FOXN3: variants seen among roughly 807,000 people sequenced by gnomAD.
FOXN3 encodes the protein forkhead box protein N3.
FOXN3 carries 7 observed loss-of-function variants against 38.4 expected under a neutral mutation model. The observed-to-expected ratio is 0.18, with a 90% confidence interval of 0.10 to 0.34. The LOEUF is 0.34. Among genes scored for constraint, FOXN3 ranks in the 10% least tolerant of loss-of-function variants. The pLI, the probability that FOXN3 is intolerant of heterozygous loss-of-function variation, is 1.00. For missense variants in FOXN3, 456 were observed against 613.4 expected (o/e 0.74, Z 2.71); for synonymous variants, 230 against 242.2 (o/e 0.95, Z 0.47).
At chr14:89,411,556 T>C (rs1017142) in intron 2 of FOXN3, among the ~76,000 whole-genome samples, 57,296 of 152,102 alleles carry the variant, frequency 0.38, 13,471 homozygotes, top group Admixed American at 0.53. Context: ...ATGGTGGCAG[T>C]GTATATACAC....
At chr14:89,551,829 G>A (rs1411858208) in intron 1 of FOXN3, among the ~76,000 whole-genome samples, 1 of 152,050 alleles carries the variant, frequency 6.6e-6, no homozygotes, top group African/African-American at 2.4e-5. Flanking sequence ...TCTATTTTTA[G>A]GGCCTCACCC....
rs1381086215 is a variant in FOXN3 at position 89,310,945 on chromosome 14, A to G, written c.681-29931T>C. Among the ~76,000 whole-genome samples, 3 of 151,812 alleles carry G rather than the reference A, an allele frequency of 2.0e-5. 1 individual carries two copies. In the East Asian group the frequency reaches 5.9e-4, roughly 30 times the overall value. On this transcript the variant is annotated intron_variant, in intron 3 of 5. Transcript: ENST00000557258. Reference sequence around the variant, plus strand: ...AATATGGAGAAACCCCATCTCTACTAAAAATACAAAATTAGCCGGGCGTGG... The same window carrying G: ...AATATGGAGAAACCCCATCTCTACTGAAAATACAAAATTAGCCGGGCGTGG...
rs559069055 is a variant in FOXN3, at chr14:89,156,793, C to G, written c.*5621G>C. On this transcript the variant is annotated 3_prime_UTR_variant, in exon 6 of 6. Transcript: ENST00000557258. ...TATTAAGTAGTGAGTGTGAATGACA[C>G]AGCATGAAACTGGTTACTGAATCAG... 125 of 152,264 alleles carry G rather than the reference C, an allele frequency of 8.2e-4. No homozygotes were observed. The highest frequency in any genetic ancestry group is 2.9e-3 in the African/African-American group (120 of 41,532). The allele number at this position is 152,264 out of a possible 1,614,324, so 9.4% of individuals were successfully genotyped here.
intron 1 of FOXN3, among the ~76,000 whole-genome samples, chr14:89,510,802 C>T (rs755995225): frequency 1.3e-5 from 2 of 152,050 alleles, no homozygotes; most frequent in Admixed American, 6.6e-5. Flanking sequence ...ATTAGCCAAG[C>T]GTGGTGGTGT....
At chr14:89,167,496 A>G (rs1208871640) in intron 5 of FOXN3, among the ~76,000 whole-genome samples, 1 of 152,238 alleles carries the variant, frequency 6.6e-6, no homozygotes, top group Non-Finnish European at 1.5e-5. Flanking sequence ...TGTGAAAAGT[A>G]GATGGGATTA....
chr14:89,597,830 T>C (rs918782372), intron 1 of FOXN3, among the ~76,000 whole-genome samples: 5 of 152,172 alleles, frequency 3.3e-5, no homozygotes, highest in Admixed American at 3.3e-4. Flanking sequence ...GAAAGGTATG[T>C]CTCTTTAAAG....
At chr14:89,583,845 A>G (rs1329940174) in intron 1 of FOXN3, among the ~76,000 whole-genome samples, 1 of 148,304 alleles carries the variant, frequency 6.7e-6, no homozygotes, top group Non-Finnish European at 1.5e-5. Flanking sequence ...TAGGTGTCAG[A>G]TACCGCACCC....
intron 4 of FOXN3, among the ~76,000 whole-genome samples, chr14:89,204,478 A>G (rs2094667264): frequency 6.6e-6 from 1 of 152,204 alleles, no homozygotes; most frequent in African/African-American, 2.4e-5. Flanking sequence ...ATAGACTAGG[A>G]AAAAAATAGA....
At chr14:89,470,446 T>C (rs923723648) in intron 1 of FOXN3, among the ~76,000 whole-genome samples, 7 of 152,190 alleles carry the variant, frequency 4.6e-5, no homozygotes, top group African/African-American at 1.7e-4. Flanking sequence ...TTTAACCTCT[T>C]TGTGCCTCAG....
At chr14:89,603,167 C>A (rs1377282072) in intron 1 of FOXN3, among the ~76,000 whole-genome samples, 9 of 152,150 alleles carry the variant, frequency 5.9e-5, no homozygotes, top group African/African-American at 2.2e-4. Flanking sequence ...CAATAAAAAC[C>A]AGCCACTCAT....
chr14:89,162,682 T>A lies in FOXN3; in HGVS notation c.1139A>T (p.Gln380Leu). 1 of 1,614,152 alleles carries A rather than the reference T, an allele frequency of 6.2e-7. No homozygotes were observed. Among genetic ancestry groups the A allele is most frequent in the Non-Finnish European group, 8.5e-7 (1 of 1,180,012 alleles). ...DTEEDDRKHSQKEPKDSLGDS... is the reference protein window; with the variant it reads ...DTEEDDRKHSLKEPKDSLGDS... ...CCCCAGAGAATCCTTGGGCTCCTTC[T>A]GGCTGTGCTTCCTGTCGTCCTCTTC... Residue 380 changes from glutamine (Q) to leucine (L), a missense_variant, in exon 6 of 6, where the codon CAG (glutamine) becomes CTG (leucine). Physicochemically the swap from Gln to Leu is moderately radical, Grantham distance 113. Transcript: ENST00000557258. This position sits in a 1 kb window ranked among gnomAD's most constrained non-coding sequence, Gnocchi z 7.2.
At chr14:89,600,743 C>T (rs1363559980) in intron 1 of FOXN3, among the ~76,000 whole-genome samples, 1 of 152,032 alleles carries the variant, frequency 6.6e-6, no homozygotes, top group African/African-American at 2.4e-5. Context: ...TTCCTGGACC[C>T]TATATACTAT....
chr14:89,433,351 G>A (rs190798005), intron 1 of FOXN3, among the ~76,000 whole-genome samples: 39 of 152,260 alleles, frequency 2.6e-4, no homozygotes, highest in Non-Finnish European at 2.9e-5. Context: ...GCGTGGTGGT[G>A]CGGGCTTGTA....
intron 4 of FOXN3, among the ~76,000 whole-genome samples, chr14:89,224,899 GGC>G (rs1301980176): frequency 6.6e-6 from 1 of 152,100 alleles, no homozygotes; most frequent in Non-Finnish European, 1.5e-5. Flanking sequence ...GGGAGGCCGA[GGC>G]GGGCGGATCA....
chr14:89,579,898 A>G (rs1040975524), intron 1 of FOXN3, among the ~76,000 whole-genome samples: 5 of 152,222 alleles, frequency 3.3e-5, no homozygotes, highest in South Asian at 4.1e-4. Context: ...TCACTGCTAC[A>G]GAGTACATAC....
chr14:89,412,016 G>A lies in FOXN3; in HGVS notation c.461C>T (p.Ala154Val). The stretch of plus-strand genomic sequence containing the variant: ...CACTGAGTTTTTCCACCCAGTAGGT[G>A]CATTTGCAAAATACGGAAAATGTTC... ...ILEHFPYFAN[A>V]PTGWKNSVRH... Residue 154 changes from alanine (A) to valine (V), a missense_variant, in exon 2 of 6, where the codon GCA becomes GTA. This residue lies in a region of FOXN3 where 386 missense variants were observed against 505.2 expected (regional missense o/e 0.76). Transcript: ENST00000557258. The surrounding 1 kb of genome is among the most constrained non-coding windows in gnomAD (Gnocchi z 4.7). 6.2e-7 allele frequency: 1 copy of A among 1,611,774 alleles called. No homozygotes were observed. The highest frequency in any genetic ancestry group is 8.5e-7 in the Non-Finnish European group (1 of 1,178,842).
At chr14:89,199,404 G>A (rs1031711868) in intron 4 of FOXN3, among the ~76,000 whole-genome samples, 3 of 152,186 alleles carry the variant, frequency 2.0e-5, no homozygotes, top group Non-Finnish European at 4.4e-5. Flanking sequence ...AGTTGGAGAC[G>A]GAGAACACCA....
At chr14:89,276,524 CT>C (rs34797477) in intron 4 of FOXN3, among the ~76,000 whole-genome samples, 23,984 of 152,092 alleles carry the variant, frequency 0.16, 2,131 homozygotes, top group East Asian at 0.29. Flanking sequence ...GGCTGGGCTT[CT>C]TAGAGTGGGT....
intron 4 of FOXN3, among the ~76,000 whole-genome samples, chr14:89,278,482 C>T (rs1261847682): frequency 6.6e-6 from 1 of 152,158 alleles, no homozygotes; most frequent in African/African-American, 2.4e-5. Context: ...AGTTATCCCC[C>T]ACCCTGGTTC....
Sources: allele counts gnomAD v4.1 joint callset (sites outside exome capture counted in the v4.1 genomes callset), GRCh38; gene constraint gnomAD v4.1.1; regional missense constraint gnomAD v4.1.1; non-coding constraint Gnocchi (gnomAD v3.1); transcripts MANE v1.5; gene names NCBI Gene and HGNC (gene_info 2026-07-23, HGNC 2026-07-21).